ITIH5: variants seen among roughly 807,000 people sequenced by gnomAD.
ITIH5 encodes inter-alpha-trypsin inhibitor heavy chain H5.
A neutral mutation model predicts 77.5 loss-of-function variants in ITIH5; 65 were observed. That is an observed-to-expected ratio of 0.84 (90% confidence interval 0.69 to 1.03). The LOEUF is 1.03. Among genes scored for constraint, ITIH5 ranks in the 50% least tolerant of loss-of-function variants. ITIH5 has a pLI of 0.00. For synonymous variants in ITIH5, 525 were observed against 494.3 expected (o/e 1.06, Z -0.82); for missense variants, 1,208 against 1,213.1 (o/e 1.00, Z 0.06).
chr10:7,605,478 G>T (rs1833104473), intron 7 of ITIH5, among the ~76,000 whole-genome samples: 1 of 151,504 alleles, frequency 6.6e-6, no homozygotes, highest in Non-Finnish European at 1.5e-5. Flanking sequence ...TCTTCTCTGA[G>T]CTTCTTGTGA....
chr10:7,574,104 A>G (rs1832360098), intron 10 of ITIH5, among the ~76,000 whole-genome samples: 1 of 152,260 alleles, frequency 6.6e-6, no homozygotes, highest in Non-Finnish European at 1.5e-5. Flanking sequence ...TTTACAAAGC[A>G]GAAGATTTTG....
chr10:7,596,858 G>A (rs1390570979), intron 7 of ITIH5, among the ~76,000 whole-genome samples: 1 of 151,750 alleles, frequency 6.6e-6, no homozygotes, highest in Non-Finnish European at 1.5e-5. Context: ...GACCAGCCTG[G>A]CCAACGTGGC....
At chr10:7,603,308 C>A (rs2131010567) in intron 7 of ITIH5, among the ~76,000 whole-genome samples, 1 of 152,300 alleles carries the variant, frequency 6.6e-6, no homozygotes, top group Admixed American at 6.5e-5. Flanking sequence ...AGGCCGCACA[C>A]TGTGTAACTC....
intron 7 of ITIH5, among the ~76,000 whole-genome samples, chr10:7,612,089 C>T (rs1564259662): frequency 6.6e-6 from 1 of 152,006 alleles, no homozygotes; most frequent in Non-Finnish European, 1.5e-5. Context: ...GTACTCTTTG[C>T]CCCAGTAATT....
intron 7 of ITIH5, among the ~76,000 whole-genome samples, chr10:7,603,060 A>G (rs1195263618): frequency 1.3e-5 from 2 of 152,142 alleles, no homozygotes; most frequent in Admixed American, 6.5e-5. Context: ...AAGAAATCCT[A>G]CACCTGAGCA....
chr10:7,566,308 T>G lies in ITIH5; in HGVS notation c.2249A>C (p.Lys750Thr). Residue 750 changes from lysine (K) to threonine (T), a missense_variant, in exon 13 of 14, where the codon AAG (lysine) becomes ACG (threonine). Physicochemically the swap from Lys to Thr is moderately conservative, Grantham distance 78 (BLOSUM62 -1). Transcript: ENST00000397146. ...GATCTCGAGATAAGATCTCTCTGGC[T>G]TGTTGATGAGGATGGTGATAGTGCG... ...YLRTITILIN[K>T]PERSYLEITP... 6.2e-7 allele frequency: 1 copy of G among 1,613,694 alleles called. No individual in the cohort carries two copies. The highest frequency in any genetic ancestry group is 8.5e-7 in the Non-Finnish European group (1 of 1,179,874).
chr10:7,564,874 A>G (rs1050504383), intron 13 of ITIH5, among the ~76,000 whole-genome samples: 13 of 147,592 alleles, frequency 8.8e-5, no homozygotes, highest in African/African-American at 3.2e-4. Flanking sequence ...CAGACTGTAT[A>G]TGTATACACA....
chr10:7,564,210 G>A (rs572996575), intron 13 of ITIH5, among the ~76,000 whole-genome samples: 6 of 152,318 alleles, frequency 3.9e-5, no homozygotes, highest in African/African-American at 1.2e-4. Flanking sequence ...TTTCCAGAAG[G>A]CTAAAGAGAA....
intron 7 of ITIH5, among the ~76,000 whole-genome samples, chr10:7,603,792 C>A (rs1225386234): frequency 6.6e-6 from 1 of 152,104 alleles, no homozygotes; most frequent in Admixed American, 6.6e-5. Context: ...ACTGTGTTAG[C>A]CAGGATGGTC....
At chr10:7,565,037 GTA>G (rs530968314) in intron 13 of ITIH5, among the ~76,000 whole-genome samples, 64 of 131,082 alleles carry the variant, frequency 4.9e-4, no homozygotes, top group Non-Finnish European at 8.3e-4. Context: ...TACATAGACT[GTA>G]TATATATATA....
At chr10:7,579,654 C>A (rs1049303894) in intron 9 of ITIH5, 101 bp downstream of exon 9, 19 of 1,207,080 alleles carry the variant, frequency 1.6e-5, no homozygotes, top group Non-Finnish European at 2.1e-5. Context: ...TCAGCAGATG[C>A]AAGGCTGGGG....
intron 7 of ITIH5, among the ~76,000 whole-genome samples, chr10:7,590,225 C>T (rs72779141): frequency 6.6e-6 from 1 of 152,068 alleles, no homozygotes; most frequent in African/African-American, 2.4e-5. Flanking sequence ...AACCTTCACC[C>T]GTGGTCCAAG....
chr10:7,616,769 A>C (rs923428368), intron 6 of ITIH5, among the ~76,000 whole-genome samples: 1 of 152,148 alleles, frequency 6.6e-6, no homozygotes, highest in African/African-American at 2.4e-5. Flanking sequence ...CGAAGGTTGC[A>C]GTGAGCCGAG....
intron 5 of ITIH5, among the ~76,000 whole-genome samples, chr10:7,628,382 C>A (rs1833621332): frequency 6.6e-6 from 1 of 152,192 alleles, no homozygotes; most frequent in South Asian, 2.1e-4. Flanking sequence ...CACATGTGAC[C>A]TTTTCAGTCT....
At chr10:7,631,195 C>T (rs889773466) in intron 5 of ITIH5, among the ~76,000 whole-genome samples, 4 of 152,128 alleles carry the variant, frequency 2.6e-5, no homozygotes, top group African/African-American at 4.8e-5. Flanking sequence ...TAGTTTCCAT[C>T]GGCAGCTATT....
At chr10:7,603,985 G>C (rs1036874157) in intron 7 of ITIH5, among the ~76,000 whole-genome samples, 1 of 152,160 alleles carries the variant, frequency 6.6e-6, no homozygotes, top group African/African-American at 2.4e-5. Flanking sequence ...TCTTCTCAGA[G>C]GGGCTTTATC....
At chr10:7,652,600 A>G (rs1834119467) in intron 2 of ITIH5, among the ~76,000 whole-genome samples, 1 of 152,202 alleles carries the variant, frequency 6.6e-6, no homozygotes, top group Non-Finnish European at 1.5e-5. Flanking sequence ...AGAAAATCTA[A>G]GAGGTTATAT....
intron 7 of ITIH5, among the ~76,000 whole-genome samples, chr10:7,606,965 A>G (rs1354953000): frequency 6.6e-6 from 1 of 152,168 alleles, no homozygotes; most frequent in African/African-American, 2.4e-5. Flanking sequence ...CCCTCTGTCC[A>G]TCATTTATTA....
intron 2 of ITIH5, among the ~76,000 whole-genome samples, chr10:7,649,792 C>G (rs1044538423): frequency 2.0e-5 from 3 of 152,088 alleles, no homozygotes; most frequent in Admixed American, 6.5e-5. Flanking sequence ...GCAGGTAACA[C>G]AGGAAACAGA....
Sources: gnomAD v4.1 joint callset for allele counts (sites outside exome capture counted in the v4.1 genomes callset) on GRCh38, gnomAD v4.1.1 for gene constraint, MANE v1.5 for transcripts, NCBI Gene and HGNC (gene_info 2026-07-23, HGNC 2026-07-21) for gene names.